Variants in FOXO3 observed in about 807,000 individuals in gnomAD.
FOXO3 encodes the protein forkhead box protein O3.
Under a neutral mutation model 41.9 loss-of-function variants are expected in FOXO3, and 4 were observed. The observed-to-expected ratio is 0.10, with a 90% CI of 0.05 to 0.22. The LOEUF (loss-of-function observed/expected upper bound fraction) is 0.22, where lower values mean the gene tolerates loss of function less well. Among genes scored for constraint, FOXO3 ranks in the 10% least tolerant of loss-of-function variants. The pLI, the probability that FOXO3 is intolerant of heterozygous loss-of-function variation, is 1.00. For synonymous variants in FOXO3, 318 were observed against 389.3 expected (o/e 0.82, Z 2.16); for missense variants, 534 against 906.8 (o/e 0.59, Z 5.28).
intron 1 of FOXO3, among the ~76,000 whole-genome samples, chr6:108,563,593 G>C (rs1222052986): frequency 2.0e-5 from 3 of 152,230 alleles, no homozygotes; most frequent in Non-Finnish European, 4.4e-5. Context: ...TCTCTCACTT[G>C]AAATTTAGTC....
At chr6:108,572,948 C>T (rs1183834243) in intron 1 of FOXO3, among the ~76,000 whole-genome samples, 1 of 152,046 alleles carries the variant, frequency 6.6e-6, no homozygotes, top group East Asian at 1.9e-4. Flanking sequence ...GTATACTTTC[C>T]TGTCTCCTGG....
intron 1 of FOXO3, among the ~76,000 whole-genome samples, chr6:108,593,712 CTTTTTTTTTTTT>C (rs34228633): frequency 1.2e-5 from 1 of 83,330 alleles, no homozygotes; most frequent in Non-Finnish European, 2.2e-5. Context: ...TTTTCTTCTT[CTTTTTTTTTTTT>C]TTTTTTTTTT....
At chr6:108,609,593 CTG>C in intron 1 of FOXO3, among the ~76,000 whole-genome samples, 1 of 152,356 alleles carries the variant, frequency 6.6e-6, no homozygotes, top group South Asian at 2.1e-4. Flanking sequence ...AGCAGGAAGA[CTG>C]AGCATCAGAT....
Position 108,638,679 on chromosome 6 carries a change from C to T in FOXO3, c.622-24776C>T, listed in dbSNP as rs562226718. ...TTCAAGGCACCTGGAGGACAACAGACGACTTGGGCAAGCATCGCATTGTGG... is the reference window on the plus strand; with the variant it reads ...TTCAAGGCACCTGGAGGACAACAGATGACTTGGGCAAGCATCGCATTGTGG... On this transcript the variant is annotated intron_variant, in intron 1 of 2. Coordinates refer to ENST00000406360, the MANE Select transcript of FOXO3 (RefSeq NM_001455.4). Among the ~76,000 whole-genome samples the T allele has an allele frequency of 1.3e-4, 20 of 152,306 alleles. No individual in the cohort carries two copies. In the South Asian group the frequency reaches 1.4e-3, roughly 11 times the overall value.
intron 2 of FOXO3, among the ~76,000 whole-genome samples, chr6:108,671,371 C>T (rs906113207): frequency 5.3e-5 from 8 of 152,172 alleles, no homozygotes; most frequent in African/African-American, 1.9e-4. Context: ...TCTGAGGGAG[C>T]TGTGGATTAA....
intron 1 of FOXO3, among the ~76,000 whole-genome samples, chr6:108,652,322 A>T (rs558331300): frequency 1.3e-5 from 2 of 152,370 alleles, no homozygotes; most frequent in East Asian, 3.9e-4. Context: ...TTTCTAAAAA[A>T]TTAGTGTTAG....
At chr6:108,633,997 A>G (rs1417880046) in intron 1 of FOXO3, among the ~76,000 whole-genome samples, 1 of 152,170 alleles carries the variant, frequency 6.6e-6, no homozygotes, top group Admixed American at 6.5e-5. Context: ...GCTTCTTTAC[A>G]TGGAACTGGT....
chr6:108,654,737 CTT>C (rs61275551), intron 1 of FOXO3, among the ~76,000 whole-genome samples: 34 of 136,834 alleles, frequency 2.5e-4, no homozygotes, highest in Non-Finnish European at 2.4e-4. Flanking sequence ...AGAGCATCGT[CTT>C]TTTTTTTTTT....
chr6:108,678,706 ATT>A (rs952891216), intron 2 of FOXO3, among the ~76,000 whole-genome samples: 1 of 151,036 alleles, frequency 6.6e-6, no homozygotes, highest in Non-Finnish European at 1.5e-5. Flanking sequence ...GTGTTATGTA[ATT>A]TTTTTTCTCC....
intron 1 of FOXO3, among the ~76,000 whole-genome samples, chr6:108,616,174 T>C (rs1409968592): frequency 7.1e-6 from 1 of 141,368 alleles, no homozygotes; most frequent in African/African-American, 2.7e-5. Context: ...TTTTTTTTTT[T>C]TTTTTTTTGA....
intron 1 of FOXO3, among the ~76,000 whole-genome samples, chr6:108,603,030 T>A (rs1039191938): frequency 2.0e-5 from 3 of 152,176 alleles, no homozygotes. Flanking sequence ...AAAATTACTT[T>A]CTGGTGGAAT....
chr6:108,655,709 A>T (rs1241258347), intron 1 of FOXO3, among the ~76,000 whole-genome samples: 1 of 152,086 alleles, frequency 6.6e-6, no homozygotes, highest in Non-Finnish European at 1.5e-5. Flanking sequence ...TCCTGTCATT[A>T]TACACCGAAG....
chr6:108,570,565 C>T (rs931184410), intron 1 of FOXO3, among the ~76,000 whole-genome samples: 5 of 152,030 alleles, frequency 3.3e-5, no homozygotes, highest in Admixed American at 6.5e-5. Flanking sequence ...TGGGTTCAAG[C>T]GATCCTCTTA....
Position 108,667,517 on chromosome 6 carries a change from C to G in FOXO3, c.*34+2628C>G, listed in dbSNP as rs76376960. Among the ~76,000 whole-genome samples the G allele has an allele frequency of 6.7e-3, 1,013 of 152,234 alleles. 14 individuals carry two copies. The highest frequency in any genetic ancestry group is 0.023 in the African/African-American group (953 of 41,536). The stretch of plus-strand genomic sequence containing the variant: ...AAGACAATGTAGTATCAGTTTTTGT[C>G]TGATTTTTCAAGTGTTGGTTTCCCT... On this transcript the variant is annotated intron_variant, in intron 2 of 2. Transcript: ENST00000406360.
At chr6:108,657,579 C>A (rs192568644) in intron 1 of FOXO3, among the ~76,000 whole-genome samples, 1 of 152,164 alleles carries the variant, frequency 6.6e-6, no homozygotes, top group Non-Finnish European at 1.5e-5. Context: ...AAATCATTCT[C>A]GTTCTGTCAA....
chr6:108,561,635 G>A lies in FOXO3; in HGVS notation c.427G>A (p.Gly143Ser), dbSNP rs754334479. 6.4e-7 allele frequency: 1 copy of A among 1,568,724 alleles called. No homozygotes were observed. The highest frequency in any genetic ancestry group is 1.1e-5 in the South Asian group (1 of 87,146). The change falls in exon 1 of 3, where the codon GGC (glycine) becomes AGC (serine). Residue 143 changes from glycine (G) to serine (S), a missense_variant. This residue lies in a region of FOXO3 where 139 missense variants were observed against 163.7 expected (regional missense o/e 0.85). Transcript: ENST00000406360. ...ACCGCCGCAGCCGGGGGCGGCTGGG[G>A]GCTCCGGGCAGCCGAGGAAATGTTC... The part of the protein sequence containing the change: ...LPPPQPGAAG[G>S]SGQPRKCSSR...
At chr6:108,587,556 A>G (rs940627601) in intron 1 of FOXO3, among the ~76,000 whole-genome samples, 1 of 152,300 alleles carries the variant, frequency 6.6e-6, no homozygotes, top group East Asian at 1.9e-4. Flanking sequence ...CACACGCCCC[A>G]CACACTTGTT....
intron 2 of FOXO3, 125 bp downstream of exon 2, chr6:108,665,014 A>G: frequency 1.9e-6 from 2 of 1,044,750 alleles, no homozygotes; most frequent in Non-Finnish European, 2.7e-6. Context: ...AGTGGTGCAC[A>G]TAATATGGCT....
chr6:108,657,251 G>T (rs776887421), intron 1 of FOXO3, among the ~76,000 whole-genome samples: 2 of 152,208 alleles, frequency 1.3e-5, no homozygotes, highest in South Asian at 4.1e-4. Flanking sequence ...TTCGGCCCAC[G>T]TTGGGGACAA....
Sources: allele counts gnomAD v4.1 joint callset (sites outside exome capture counted in the v4.1 genomes callset), GRCh38; gene constraint gnomAD v4.1.1; regional missense constraint gnomAD v4.1.1; transcripts MANE v1.5; gene names NCBI Gene and HGNC (gene_info 2026-07-23, HGNC 2026-07-21).